The following AFF3 variants were observed in gnomAD, a reference collection of about 807,000 sequenced individuals.
The protein encoded by AFF3 is ALF transcription elongation factor 3.
Under a neutral mutation model 129.7 loss-of-function variants are expected in AFF3, and 32 were observed. The ratio of observed to expected loss-of-function variants is 0.25; its 90% CI spans 0.19 to 0.33. The LOEUF is 0.33. AFF3 is among the 10% of genes least tolerant of loss of function. The pLI, the probability that AFF3 is intolerant of heterozygous loss-of-function variation, is 1.00. For synonymous variants in AFF3, 644 were observed against 635.4 expected (o/e 1.01, Z -0.20); for missense variants, 1,373 against 1,592.0 (o/e 0.86, Z 2.34).
chr2:99,558,992 C>T, intron 21 of AFF3, 24 bp from the exon 22 acceptor site: 1 of 1,611,886 alleles, frequency 6.2e-7, no homozygotes, highest in East Asian at 2.2e-5. Flanking sequence ...GAGAAACAGG[C>T]CCAGAAGCGG....
At chr2:99,690,431 T>C (rs1675540368) in intron 11 of AFF3, among the ~76,000 whole-genome samples, 1 of 151,998 alleles carries the variant, frequency 6.6e-6, no homozygotes, top group Non-Finnish European at 1.5e-5. Context: ...TCCGCCCGCC[T>C]CGGCCTCCCA....
intron 8 of AFF3, among the ~76,000 whole-genome samples, chr2:99,778,415 G>A (rs943063035): frequency 3.9e-5 from 6 of 152,172 alleles, no homozygotes; most frequent in African/African-American, 7.2e-5. Flanking sequence ...TTAACAGCAC[G>A]CATAGAAAGC....
chr2:99,973,710 T>A (rs78327265), intron 7 of AFF3, among the ~76,000 whole-genome samples: 20 of 152,110 alleles, frequency 1.3e-4, no homozygotes, highest in Admixed American at 3.9e-4. Flanking sequence ...CTTTTTTTTT[T>A]AATGAGCAGT....
chr2:99,878,597 C>T (rs1181342027), intron 7 of AFF3, among the ~76,000 whole-genome samples: 3 of 152,180 alleles, frequency 2.0e-5, no homozygotes, highest in South Asian at 4.1e-4. Flanking sequence ...AAGTCTCATG[C>T]TCTCTGGGGG....
intron 13 of AFF3, among the ~76,000 whole-genome samples, chr2:99,633,421 TAGA>T (rs928157314): frequency 3.3e-5 from 5 of 151,818 alleles, no homozygotes; most frequent in Non-Finnish European, 7.4e-5. Flanking sequence ...AACGTATGGG[TAGA>T]AGGTGGCCAG....
At chr2:99,921,009 G>A (rs1321189381) in intron 7 of AFF3, among the ~76,000 whole-genome samples, 2 of 151,996 alleles carry the variant, frequency 1.3e-5, no homozygotes, top group Non-Finnish European at 2.9e-5. Context: ...GATATACCAT[G>A]CATGCATGAA....
In AFF3 at chr2:99,752,209, G is replaced by A; in HGVS notation, c.1002+12C>T. The A allele has an allele frequency of 6.2e-7, 1 of 1,601,780 alleles. No homozygotes were observed. The highest frequency in any genetic ancestry group is 8.6e-7 in the Non-Finnish European group (1 of 1,168,888). ...GTGAAACATATTCCTCCTGAGGGAT[G>A]CAAGATCTCACCTTATTTGGAAATG... On this transcript the variant is annotated intron_variant, in intron 9 of 24. Transcript: ENST00000672756.
chr2:99,667,863 T>C (rs944200367), intron 12 of AFF3, among the ~76,000 whole-genome samples: 2 of 152,038 alleles, frequency 1.3e-5, no homozygotes, highest in African/African-American at 4.8e-5. Context: ...TAACTATTAA[T>C]ATTTTTTTTT....
At chr2:99,741,273 C>A (rs1406152243) in intron 10 of AFF3, among the ~76,000 whole-genome samples, 3 of 152,142 alleles carry the variant, frequency 2.0e-5, no homozygotes, top group East Asian at 3.9e-4. Context: ...AAGAGGAAGT[C>A]AAATTGTCTC....
intron 12 of AFF3, among the ~76,000 whole-genome samples, chr2:99,661,561 G>C (rs895304948): frequency 2.0e-5 from 3 of 152,178 alleles, no homozygotes; most frequent in African/African-American, 7.2e-5. Flanking sequence ...GCCCAGGCTG[G>C]TTGGACACAA....
At chr2:99,797,089 T>A (rs1262404038) in intron 8 of AFF3, among the ~76,000 whole-genome samples, 1 of 151,712 alleles carries the variant, frequency 6.6e-6, no homozygotes, top group African/African-American at 2.4e-5. Context: ...GATAGACAGA[T>A]CACCATACGT....
chr2:99,863,072 CT>C (rs1258557059), intron 7 of AFF3, among the ~76,000 whole-genome samples: 6 of 152,226 alleles, frequency 3.9e-5, no homozygotes, highest in Non-Finnish European at 8.8e-5. Context: ...CTAATTCATC[CT>C]TCTAGACAGC....
Position 100,020,611 on chromosome 2 carries a change from G to A in AFF3, c.54-11679C>T, listed in dbSNP as rs114984638. Among the ~76,000 whole-genome samples, 1,220 of 152,154 alleles carry A rather than the reference G, an allele frequency of 8.0e-3. 21 individuals are homozygous for A. Among genetic ancestry groups the A allele is most frequent in the African/African-American group, 0.028 (1,155 of 41,524 alleles). On this transcript the variant is annotated intron_variant, in intron 4 of 24. Coordinates refer to ENST00000672756, the MANE Select transcript of AFF3 (RefSeq NM_001386135.1). Reference sequence around the variant, plus strand: ...AGCAGACCGCAGCACTACCCACCTAGTTGCCTGAGTCAGAAACCTGGGCAT... The same window carrying A: ...AGCAGACCGCAGCACTACCCACCTAATTGCCTGAGTCAGAAACCTGGGCAT...
intron 7 of AFF3, among the ~76,000 whole-genome samples, chr2:99,862,132 A>G (rs1221023330): frequency 6.6e-6 from 1 of 152,096 alleles, no homozygotes; most frequent in Non-Finnish European, 1.5e-5. Flanking sequence ...GATCCTGGGT[A>G]GCTAATGATA....
At chr2:99,777,205 C>T (rs944560145) in intron 8 of AFF3, among the ~76,000 whole-genome samples, 4 of 152,136 alleles carry the variant, frequency 2.6e-5, no homozygotes, top group Admixed American at 6.5e-5. Flanking sequence ...TAAGTCTCCA[C>T]GCTGAGTTCC....
chr2:99,974,120 T>C (rs2104448893), intron 7 of AFF3, among the ~76,000 whole-genome samples: 1 of 152,366 alleles, frequency 6.6e-6, no homozygotes, highest in East Asian at 1.9e-4. Flanking sequence ...GTCAAATGCA[T>C]TGTCATGTAA....
chr2:100,139,770 G>A (rs1692787954), intron 1 of AFF3, among the ~76,000 whole-genome samples: 1 of 152,080 alleles, frequency 6.6e-6, no homozygotes, highest in South Asian at 2.1e-4. Flanking sequence ...CAAAAAAAAG[G>A]CAAATGAAAG....
At chr2:99,764,695 T>G (rs188606084) in intron 8 of AFF3, among the ~76,000 whole-genome samples, 10 of 152,294 alleles carry the variant, frequency 6.6e-5, no homozygotes, top group Admixed American at 6.5e-4. Flanking sequence ...GTAGTAACAT[T>G]TAGATTGGGT....
Position 99,551,572 on chromosome 2 carries a change from G to C in AFF3, c.3583C>G (p.Leu1195Val). 1 of 1,614,164 alleles carries C rather than the reference G, an allele frequency of 6.2e-7. No individual in the cohort carries two copies. Among genetic ancestry groups the C allele is most frequent in the South Asian group, 1.1e-5 (1 of 91,086 alleles). The part of the protein sequence containing the change: ...NREFFNDLDL[L>V]MGPVTLHSSM... ...CTGTGCAGGGTGACCGGCCCCATGA[G>C]CAGATCCAGGTCGTTGAAGAATTCT... Residue 1195 changes from leucine to valine, a missense_variant, in exon 25 of 25, where the codon CTC (leucine) becomes GTC (valine). Leu to Val is a conservative substitution (Grantham distance 32, BLOSUM62 1). Transcript: ENST00000672756.
Sources: gnomAD v4.1 joint callset for allele counts (sites outside exome capture counted in the v4.1 genomes callset) on GRCh38, gnomAD v4.1.1 for gene constraint, MANE v1.5 for transcripts, NCBI Gene and HGNC (gene_info 2026-07-23, HGNC 2026-07-21) for gene names.